MANBA: variants seen among roughly 807,000 people sequenced by gnomAD.
MANBA encodes mannosidase beta, also known as beta-mannosidase.
In MANBA, 83 loss-of-function variants were observed where a neutral mutation model predicts 111.1. That is an observed-to-expected ratio of 0.75 (90% CI 0.63 to 0.90). MANBA has a LOEUF of 0.90. Among genes scored for constraint, MANBA ranks in the 40% least tolerant of loss-of-function variants. MANBA has a pLI of 0.00. For synonymous variants in MANBA, 370 were observed against 378.7 expected (o/e 0.98, Z 0.27); for missense variants, 1,036 against 1,069.0 (o/e 0.97, Z 0.43).
intron 5 of MANBA, among the ~76,000 whole-genome samples, chr4:102,706,090 T>A (rs1442822238): frequency 6.6e-6 from 1 of 152,136 alleles, no homozygotes; most frequent in Non-Finnish European, 1.5e-5. Context: ...TCCAGACCAG[T>A]GGTCTACCAC....
chr4:102,674,918 T>C (rs1041889161), intron 7 of MANBA, among the ~76,000 whole-genome samples: 4 of 152,262 alleles, frequency 2.6e-5, no homozygotes, highest in Non-Finnish European at 5.9e-5. Flanking sequence ...AGTCAAATTA[T>C]TTCATGTAAT....
chr4:102,705,945 G>T (rs1733277675), intron 5 of MANBA, among the ~76,000 whole-genome samples: 1 of 152,162 alleles, frequency 6.6e-6, no homozygotes, highest in African/African-American at 2.4e-5. Flanking sequence ...ACGGGCCTGG[G>T]GACTAGTGTG....
chr4:102,687,008 T>A (rs1056567474), intron 7 of MANBA, among the ~76,000 whole-genome samples: 1 of 152,028 alleles, frequency 6.6e-6, no homozygotes, highest in African/African-American at 2.4e-5. Flanking sequence ...ACAAAACACA[T>A]CTAACACTGA....
At position 102,681,294 on chromosome 4, in the gene MANBA, T is replaced by C. The variant is rs1415252742; in HGVS notation, c.961-7224A>G. 4.6e-5 allele frequency among the ~76,000 whole-genome samples: 7 copies of C among 152,242 alleles called. 1 individual carries two copies. In the East Asian group the frequency reaches 7.7e-4, roughly 17 times the overall value. ...CCAGGAGTTCAAAGCTGCAGTGAGC[T>C]ATGAGCAGCCTGGGTGACAGAGTGA... On this transcript the variant is annotated intron_variant, in intron 7 of 16. Coordinates refer to ENST00000647097, the MANE Select transcript of MANBA (RefSeq NM_005908.4).
At chr4:102,640,718 T>A in intron 13 of MANBA, among the ~76,000 whole-genome samples, 1 of 152,078 alleles carries the variant, frequency 6.6e-6, no homozygotes, top group East Asian at 1.9e-4. Flanking sequence ...ATAAAAAGAA[T>A]GGTGCATATG....
rs561449535 is a variant in MANBA, at chr4:102,722,622, T to G, written c.549+249A>C. The stretch of plus-strand genomic sequence containing the variant: ...TAAAGTTCCATTATCAGCCACATAT[T>G]TTTCCTTTCTTTTTCTGTTACCTAA... On this transcript the variant is annotated intron_variant, in intron 4 of 16. Transcript: ENST00000647097. The G allele has an allele frequency of 4.8e-4, 234 of 487,370 alleles. 3 individuals are homozygous for G. Among genetic ancestry groups the G allele is most frequent in the Middle Eastern group, 4.0e-3 (7 of 1,736 alleles). 30.2% of individuals were successfully genotyped at this position (487,370 alleles called of 1,614,324 possible).
rs1257506656 is a variant in MANBA at position 102,702,171 on chromosome 4, A to C, written c.674-11400T>G. Among the ~76,000 whole-genome samples the C allele has an allele frequency of 2.0e-5, 3 of 151,600 alleles. No individual in the cohort carries two copies. In the East Asian group the frequency reaches 5.8e-4, roughly 29 times the overall value. The stretch of plus-strand genomic sequence containing the variant: ...TCGCATCGGCTCCTGAGGCTTCTGC[A>C]TTCTTCACGTAGTTCTCGAGCCTTG... On this transcript the variant is annotated intron_variant, in intron 5 of 16. Coordinates refer to ENST00000647097, the MANE Select transcript of MANBA (RefSeq NM_005908.4).
At chr4:102,690,502 A>AT in intron 6 of MANBA, 94 bp downstream of exon 6, 1 of 1,222,074 alleles carries the variant, frequency 8.2e-7, no homozygotes, top group Non-Finnish European at 1.2e-6. Flanking sequence ...AGAAAGTAGA[A>AT]TTTTCTTTCA....
In MANBA at chr4:102,699,265, A is replaced by G. The variant is rs1373925922; in HGVS notation, c.674-8494T>C. ...GCTTAAGGAGATTTTGGGCTGAGAC[A>G]ATGGGGTTTTCTAGATATACAATCA... On this transcript the variant is annotated intron_variant, in intron 5 of 16. Transcript: ENST00000647097. 8.0e-5 allele frequency among the ~76,000 whole-genome samples: 12 copies of G among 150,576 alleles called. No individual in the cohort carries two copies. In the South Asian group the frequency reaches 1.5e-3, roughly 19 times the overall value.
chr4:102,646,971 C>CT lies in MANBA; in HGVS notation c.1869+3565dup, dbSNP rs562192209. On this transcript the variant is annotated intron_variant, in intron 13 of 16. Transcript: ENST00000647097. ...TGCAAATATTCCTTAATTAATAAAT[C>CT]TTCTAAAAAGTGGCACATAGGCAAG... Among the ~76,000 whole-genome samples, 433 of 152,022 alleles carry CT rather than the reference C, an allele frequency of 2.8e-3. 2 individuals are homozygous for CT. The highest frequency in any genetic ancestry group is 6.0e-3 in the Admixed American group (92 of 15,234).
chr4:102,643,876 CA>C (rs1560744055), intron 13 of MANBA, among the ~76,000 whole-genome samples: 1 of 152,096 alleles, frequency 6.6e-6, no homozygotes, highest in Admixed American at 6.5e-5. Flanking sequence ...TTTTGCCATA[CA>C]AAAGGTATTT....
chr4:102,682,088 A>C (rs770641056), intron 7 of MANBA, among the ~76,000 whole-genome samples: 10 of 150,072 alleles, frequency 6.7e-5, no homozygotes, highest in Non-Finnish European at 1.5e-4. Context: ...CAGAAGTTGC[A>C]GTGAGCCGAG....
Position 102,639,406 on chromosome 4 carries a change from T to A in MANBA, c.2014+307A>T, listed in dbSNP as rs1323830575. 2.0e-5 allele frequency among the ~76,000 whole-genome samples: 3 copies of A among 152,170 alleles called. No individual in the cohort carries two copies. The East Asian group carries it at 5.8e-4, about 29-fold the overall frequency. On this transcript the variant is annotated intron_variant, in intron 14 of 16. Coordinates refer to ENST00000647097, the MANE Select transcript of MANBA (RefSeq NM_005908.4). ...CCCTGGAATGCCCTCTTAAATAAATTCAAAATTCTATGCGTAATAACAAGA... is the reference window on the plus strand; with the variant it reads ...CCCTGGAATGCCCTCTTAAATAAATACAAAATTCTATGCGTAATAACAAGA...
chr4:102,734,501 C>T lies in MANBA; in HGVS notation c.178-7818G>A, dbSNP rs74395367. The T allele has an allele frequency of 5.1e-4, 818 of 1,606,480 alleles. 3 individuals carry two copies. In the African/African-American group the frequency reaches 9.0e-3, roughly 18 times the overall value. On this transcript the variant is annotated intron_variant, in intron 1 of 16. Coordinates refer to ENST00000647097, the MANE Select transcript of MANBA (RefSeq NM_005908.4). ...TCATCATACCCATTCCCAAGTTCCACGAGGTGGAGGCTGAACCATCTGAGC... is the reference window on the plus strand; with the variant it reads ...TCATCATACCCATTCCCAAGTTCCATGAGGTGGAGGCTGAACCATCTGAGC...
intron 5 of MANBA, among the ~76,000 whole-genome samples, chr4:102,700,823 A>C (rs182181566): frequency 1.8e-3 from 275 of 152,306 alleles, no homozygotes; most frequent in African/African-American, 6.0e-3. Flanking sequence ...TGCTGAAAAA[A>C]ATGTATATTC....
At chr4:102,690,528 T>G in intron 6 of MANBA, 68 bp downstream of exon 6, 2 of 1,452,048 alleles carry the variant, frequency 1.4e-6, no homozygotes, top group Non-Finnish European at 1.9e-6. Flanking sequence ...AGTCCCTCCT[T>G]TCTAATCATT....
intron 5 of MANBA, among the ~76,000 whole-genome samples, chr4:102,712,684 AAT>A (rs1491320514): frequency 5.3e-5 from 8 of 151,960 alleles, no homozygotes; most frequent in Non-Finnish European, 1.0e-4. Context: ...AGGCCTGGCT[AAT>A]TTTTGTATTT....
At chr4:102,636,999 C>T (rs1000044492) in intron 14 of MANBA, among the ~76,000 whole-genome samples, 1 of 152,080 alleles carries the variant, frequency 6.6e-6, no homozygotes, top group Non-Finnish European at 1.5e-5. Flanking sequence ...GAATAAGTCT[C>T]ACGAGATCTG....
intron 1 of MANBA, chr4:102,728,875 G>T: frequency 1.3e-6 from 1 of 797,058 alleles, no homozygotes. Context: ...AGCCAAAGCT[G>T]GGGCTTGGGA....
Sources: gnomAD v4.1 joint callset for allele counts (sites outside exome capture counted in the v4.1 genomes callset) on GRCh38, gnomAD v4.1.1 for gene constraint, MANE v1.5 for transcripts, NCBI Gene and HGNC (gene_info 2026-07-23, HGNC 2026-07-21) for gene names.